The following HSPA8 variants were observed in gnomAD, a reference collection of about 807,000 sequenced individuals.
The protein encoded by HSPA8 is heat shock protein family A (Hsp70) member 8.
HSPA8 carries 2 observed loss-of-function variants against 52.8 expected under a neutral mutation model. The observed-to-expected ratio is 0.04, with a 90% CI of 0.02 to 0.12. The LOEUF (loss-of-function observed/expected upper bound fraction) is 0.12, where lower values mean the gene tolerates loss of function less well. Ranked by LOEUF, HSPA8 falls within the 10% of genes least tolerant of loss-of-function variation. The pLI is 1.00. For synonymous variants in HSPA8, 436 were observed against 274.0 expected (o/e 1.59, Z -5.84); for missense variants, 349 against 800.5 (o/e 0.44, Z 6.81).
intron 1 of HSPA8, chr11:123,061,589 C>A: frequency 1.9e-6 from 1 of 520,212 alleles, no homozygotes; most frequent in Non-Finnish European, 3.5e-6. Flanking sequence ...TGGTCTTACC[C>A]CGAACTGAGC....
chr11:123,058,279 T>C lies in HSPA8; in HGVS notation c.1728A>G (p.Glu576=). 1 of 1,598,466 alleles carries C rather than the reference T, an allele frequency of 6.3e-7. No homozygotes were observed. Among genetic ancestry groups the C allele is most frequent in the South Asian group, 1.1e-5 (1 of 90,682 alleles). ...DKQKILDKCN[E]IINWLDKNQT... ...GATTCTTATCAAGCCAGTTGATAAT[T>C]TCATTACACTTGTCCAGAATCTTCT... is the stretch of plus-strand genomic sequence containing the variant. Residue 576 remains glutamate, a synonymous_variant, in exon 8 of 9, where the codon GAA becomes GAG. Transcript: ENST00000534624.
intron 4 of HSPA8, 28 bp from the exon 5 acceptor site, chr11:123,060,056 T>C: frequency 1.2e-6 from 2 of 1,614,094 alleles, no homozygotes; most frequent in Non-Finnish European, 1.7e-6. Context: ...CTCATTTAAA[T>C]TTACGATGGA....
In HSPA8 at chr11:123,062,068, G is replaced by C. The variant is rs2276074; in HGVS notation, c.-10C>G. On this transcript the variant is annotated 5_prime_UTR_variant, in exon 1 of 9. Coordinates refer to ENST00000534624, the MANE Select transcript of HSPA8 (RefSeq NM_006597.6). The stretch of plus-strand genomic sequence containing the variant: ...ACTCTTGAGCAGAGGTTTTACCTGG[G>C]GTGTAGGCCTGGCTCCAATAACGAA... The C allele has an allele frequency of 0.14, 20,657 of 152,482 alleles. 2,553 individuals carry two copies. Among genetic ancestry groups the C allele is most frequent in the East Asian group, 0.39 (1,994 of 5,168 alleles). 9.4% of individuals were successfully genotyped at this position (152,482 alleles called of 1,614,324 possible).
intron 8 of HSPA8, 137 bp downstream of exon 8, chr11:123,058,115 G>C (rs918001110): frequency 5.5e-6 from 4 of 725,572 alleles, no homozygotes; most frequent in African/African-American, 1.8e-5. Context: ...CCAACACCTT[G>C]AATTCTGGTG....
chr11:123,059,095 A>C lies in HSPA8; in HGVS notation c.1287T>G (p.Thr429=), dbSNP rs1865411976. ...TIPTKQTQTF[T]TYSDNQPGVL... ...CACCAGGCTGGTTGTCAGAATAGGT[A>C]GTGAAGGTCTGTGTCTGCTTGGTAG... The change falls in exon 6 of 9, where the codon ACT becomes ACG. Residue 429 remains threonine (T), a synonymous_variant. Coordinates refer to ENST00000534624, the MANE Select transcript of HSPA8 (RefSeq NM_006597.6). The C allele has an allele frequency of 6.2e-7, 1 of 1,612,454 alleles. No homozygotes were observed. The highest frequency in any genetic ancestry group is 1.3e-5 in the African/African-American group (1 of 74,884).
At chr11:123,061,471 G>C in intron 1 of HSPA8, 142 bp from the exon 2 acceptor site, 2 of 677,310 alleles carry the variant, frequency 3.0e-6, no homozygotes, top group African/African-American at 1.8e-5. Flanking sequence ...AAGCACGCGC[G>C]AGGTCCAGAA....
Position 123,060,599 on chromosome 11 carries a change from A to C in HSPA8, c.405T>G (p.Leu135=). 2 of 1,612,980 alleles carry C rather than the reference A, an allele frequency of 1.2e-6. No individual in the cohort carries two copies. The highest frequency in any genetic ancestry group is 1.7e-4 in the Middle Eastern group (1 of 6,054). Residue 135 remains leucine, a synonymous_variant, in exon 3 of 9, where the codon CTT becomes CTG. Coordinates refer to ENST00000534624, the MANE Select transcript of HSPA8 (RefSeq NM_006597.6). The part of the protein sequence containing the change: ...TKMKEIAEAY[L]GKTVTNAVVT... ...ACTGAAAAACCAACCTCACCTTCCCAAGGTAGGCTTCTGCAATTTCCTTCA... is the reference window on the plus strand; with the variant it reads ...ACTGAAAAACCAACCTCACCTTCCCCAGGTAGGCTTCTGCAATTTCCTTCA...
chr11:123,057,999 A>T, intron 8 of HSPA8, 80 bp from the exon 9 acceptor site: 1 of 1,186,900 alleles, frequency 8.4e-7, no homozygotes, highest in African/African-American at 1.5e-5. Context: ...ATCTGATACT[A>T]AAAGTCTGGC....
intron 1 of HSPA8, 176 bp from the exon 2 acceptor site, chr11:123,061,505 G>A (rs1298284813): frequency 2.8e-5 from 17 of 613,622 alleles, no homozygotes; most frequent in East Asian, 1.7e-4. Context: ...CCAGGTTGCC[G>A]TGCCAACCGC....
At chr11:123,058,203 T>TTC in intron 8 of HSPA8, 49 bp downstream of exon 8, 1 of 1,145,346 alleles carries the variant, frequency 8.7e-7, no homozygotes, top group Non-Finnish European at 1.3e-6. Flanking sequence ...TACCATCCCC[T>TTC]TCCCCTCCAT....
At position 123,058,243 on chromosome 11, in the gene HSPA8, AAC is replaced by A. The variant is rs779861584; in HGVS notation, c.1755+7_1755+8del. 1.5e-5 allele frequency: 22 copies of A among 1,510,584 alleles called. No homozygotes were observed. Among genetic ancestry groups the A allele is most frequent in the Admixed American group, 3.8e-5 (2 of 52,902 alleles). The allele number at this position is 1,510,584 out of a possible 1,614,324, so 93.6% of individuals were successfully genotyped here. ...TGGGGGAGGAAAAAAAAAAAAAAAA[AAC>A]ACAAACCTGATTCTTATCAAGCCAG... On this transcript the variant is annotated splice_region_variant and intron_variant, in intron 8 of 8. Coordinates refer to ENST00000534624, the MANE Select transcript of HSPA8 (RefSeq NM_006597.6).
intron 1 of HSPA8, 103 bp from the exon 2 acceptor site, chr11:123,061,432 G>A (rs573805467): frequency 1.6e-5 from 14 of 856,086 alleles, no homozygotes; most frequent in South Asian, 1.1e-4. Context: ...CCACTGCCAA[G>A]AGGTAATAGT....
rs780670105 is a variant in HSPA8, at chr11:123,059,278, TAAC to T, written c.1121-20_1121-18del. The T allele has an allele frequency of 3.9e-5, 63 of 1,605,086 alleles. No homozygotes were observed. The highest frequency in any genetic ancestry group is 2.3e-5 in the Non-Finnish European group (27 of 1,173,726). ...CCTGGACAGCTAGCAAACAAAAAGTTAACGTTAAAAGAAGTTAAAAGAAAACCC... is the reference window on the plus strand; with the variant it reads ...CCTGGACAGCTAGCAAACAAAAAGTTGTTAAAAGAAGTTAAAAGAAAACCC... On this transcript the variant is annotated intron_variant, in intron 5 of 8. Coordinates refer to ENST00000534624, the MANE Select transcript of HSPA8 (RefSeq NM_006597.6).
intron 5 of HSPA8, 65 bp downstream of exon 5, chr11:123,059,408 C>T: frequency 7.0e-7 from 1 of 1,434,914 alleles, no homozygotes; most frequent in South Asian, 1.2e-5. Context: ...GTTTAACAAT[C>T]ACTCATCACA....
chr11:123,058,669 C>G lies in HSPA8; in HGVS notation c.1485G>C (p.Thr495=). 1 of 1,613,820 alleles carries G rather than the reference C, an allele frequency of 6.2e-7. No individual in the cohort carries two copies. Among genetic ancestry groups the G allele is most frequent in the Non-Finnish European group, 8.5e-7 (1 of 1,179,916 alleles). Residue 495 remains threonine (T), a synonymous_variant, in exon 7 of 9, where the codon ACG becomes ACC. Transcript: ENST00000534624. ...ILNVSAVDKS[T]GKENKITITN... ...TGATAGTAATCTTGTTCTCTTTTCC[C>G]GTACTCTTGTCCACAGCAGAGACAT...
At chr11:123,061,702 G>A (rs1398685669) in intron 1 of HSPA8, 7 of 279,142 alleles carry the variant, frequency 2.5e-5, no homozygotes, top group Admixed American at 4.9e-5. Context: ...GCCAAGAACA[G>A]CTCTGAAGAA....
chr11:123,060,041 AC>A lies in HSPA8; in HGVS notation c.565-14del, dbSNP rs775639640. On this transcript the variant is annotated splice_polypyrimidine_tract_variant and intron_variant, in intron 4 of 8. Coordinates refer to ENST00000534624, the MANE Select transcript of HSPA8 (RefSeq NM_006597.6). ...TTTCTGCTCCAACCTGCCGTTAAAA[AC>A]AATCTCATTTAAATTTACGATGGAT... The A allele has an allele frequency of 1.9e-6, 3 of 1,614,094 alleles. No homozygotes were observed. Among genetic ancestry groups the A allele is most frequent in the Non-Finnish European group, 1.7e-6 (2 of 1,179,956 alleles).
In HSPA8 at chr11:123,060,674, C is replaced by T. The variant is rs760971468; in HGVS notation, c.330G>A (p.Glu110=). 2 of 1,613,772 alleles carry T rather than the reference C, an allele frequency of 1.2e-6. No homozygotes were observed. The highest frequency in any genetic ancestry group is 1.1e-5 in the South Asian group (1 of 91,066). Residue 110 remains glutamate (E), a synonymous_variant, in exon 3 of 9, where the codon GAG becomes GAA. Coordinates refer to ENST00000534624, the MANE Select transcript of HSPA8 (RefSeq NM_006597.6). ...CCTCCTCTGGATAGAAGCTTTTGGT[C>T]TCTCCCTTGTATTCTACTTGGACCT... ...RPKVQVEYKG[E]TKSFYPEEVS...
At chr11:123,061,861 C>G (rs1274387219) in intron 1 of HSPA8, 1 of 160,286 alleles carries the variant, frequency 6.2e-6, no homozygotes, top group Non-Finnish European at 1.4e-5. Context: ...CTGCGGCCCA[C>G]TCCCTACATT....
Sources: gnomAD v4.1 joint callset for allele counts on GRCh38, gnomAD v4.1.1 for gene constraint, MANE v1.5 for transcripts, NCBI Gene and HGNC (gene_info 2026-07-23, HGNC 2026-07-21) for gene names.